NFATC1: variants seen among roughly 807,000 people sequenced by gnomAD.
NFATC1 encodes nuclear factor of activated T cells 1, also known as nuclear factor of activated T-cells, cytoplasmic 1.
Under a neutral mutation model 76.0 loss-of-function variants are expected in NFATC1, and 22 were observed. The observed-to-expected ratio is 0.29, with a 90% CI of 0.21 to 0.41. NFATC1 has a LOEUF of 0.41. Ranked by LOEUF, NFATC1 falls within the 10% of genes least tolerant of loss-of-function variation. NFATC1 has a pLI of 1.00. For missense variants in NFATC1, 1,357 were observed against 1,337.7 expected, an observed-to-expected ratio of 1.01 and a Z score of -0.23; for synonymous variants, 704 against 613.1, an observed-to-expected ratio of 1.15 and a Z score of -2.19.
chr18:79,466,502 C>T (rs1451127229), intron 7 of NFATC1, among the ~76,000 whole-genome samples: 2 of 152,214 alleles, frequency 1.3e-5, no homozygotes, highest in East Asian at 3.9e-4. Context: ...TCCCAGCCCC[C>T]CACCCAGCCC....
intron 9 of NFATC1, among the ~76,000 whole-genome samples, chr18:79,499,090 A>G (rs1014550233): frequency 2.0e-5 from 3 of 152,216 alleles, no homozygotes; most frequent in South Asian, 2.1e-4. Context: ...CAGCACAAAC[A>G]TGTTTTAAAC....
Position 79,449,031 on chromosome 18 carries a change from G to A in NFATC1, c.1589+47G>A, listed in dbSNP as rs775519087. 5.4e-5 allele frequency: 86 copies of A among 1,588,932 alleles called. 1 individual carries two copies. The South Asian group carries it at 9.4e-4, about 17-fold the overall frequency. On this transcript the variant is annotated intron_variant, in intron 4 of 9. Transcript: ENST00000427363. ...GCCTCTGGCAGGGGGCGGTAGGAGG[G>A]GGCGTGCCTCCCTCCCAGTCCCGGG...
rs1156273663 is a variant in NFATC1, at chr18:79,474,999, G to A, written c.2092+7417G>A. On this transcript the variant is annotated intron_variant, in intron 8 of 9. Transcript: ENST00000427363. ...AAACCTGAGGGAAGCGTGTTCTCAC[G>A]CTCGCTGTCGACGTAAACCTGAGGG... is the stretch of plus-strand genomic sequence containing the variant. 9.1e-4 allele frequency among the ~76,000 whole-genome samples: 95 copies of A among 104,366 alleles called. 7 individuals carry two copies. The highest frequency in any genetic ancestry group is 0.016 in the Middle Eastern group (2 of 126). The allele number at this position is 104,366 out of a possible 152,430, so 68.5% of individuals were successfully genotyped here. A position where few individuals can be genotyped will look rare whatever the true frequency, so the allele number is the denominator to read the frequency against.
At chr18:79,424,007 C>T (rs958327066) in intron 2 of NFATC1, among the ~76,000 whole-genome samples, 37 of 152,154 alleles carry the variant, frequency 2.4e-4, no homozygotes, top group African/African-American at 8.4e-4. Context: ...TAAGGTTGCC[C>T]GGGCCGCCGA....
chr18:79,424,191 C>G (rs966929005), intron 2 of NFATC1, among the ~76,000 whole-genome samples: 2 of 152,250 alleles, frequency 1.3e-5, no homozygotes, highest in Admixed American at 1.3e-4. Flanking sequence ...TCGGGGGTGA[C>G]GCACAGATGC....
chr18:79,433,873 G>GTGAGCAGCCGCC, intron 3 of NFATC1, 135 bp downstream of exon 3: 1 of 1,021,160 alleles, frequency 9.8e-7, no homozygotes, highest in Non-Finnish European at 1.4e-6. Flanking sequence ...GTCCCGGGCG[G>GTGAGCAGCCGCC]CTGCTCACCG....
At chr18:79,422,506 A>C (rs2086130339) in intron 2 of NFATC1, 1 of 152,374 alleles carries the variant, frequency 6.6e-6, no homozygotes, top group South Asian at 2.1e-4. Flanking sequence ...TCCGGACCAC[A>C]CTGTTGCTCT....
intron 3 of NFATC1, among the ~76,000 whole-genome samples, chr18:79,443,498 G>C (rs2144730270): frequency 6.6e-6 from 1 of 152,304 alleles, no homozygotes; most frequent in East Asian, 1.9e-4. Flanking sequence ...AAGGGGCCTG[G>C]AGCCGTCCCT....
At chr18:79,449,354 T>C (rs1328284802) in intron 4 of NFATC1, among the ~76,000 whole-genome samples, 1 of 152,240 alleles carries the variant, frequency 6.6e-6, no homozygotes, top group East Asian at 1.9e-4. Flanking sequence ...CGTTGACCTT[T>C]AGGAGGTTCC....
intron 6 of NFATC1, among the ~76,000 whole-genome samples, chr18:79,456,804 G>A (rs1198437559): frequency 6.6e-6 from 1 of 152,214 alleles, no homozygotes; most frequent in Non-Finnish European, 1.5e-5. Flanking sequence ...GGCTGCCTCT[G>A]TGGCATCTCC....
intron 9 of NFATC1, among the ~76,000 whole-genome samples, chr18:79,526,280 C>T (rs979762080): frequency 1.3e-5 from 2 of 152,274 alleles, no homozygotes; most frequent in African/African-American, 4.8e-5. Context: ...GGAGCCCGGG[C>T]TCCTTCTGGT....
intron 2 of NFATC1, among the ~76,000 whole-genome samples, chr18:79,428,522 T>C (rs1267532107): frequency 6.6e-6 from 1 of 152,184 alleles, no homozygotes; most frequent in Admixed American, 6.5e-5. Context: ...GGAGATGTGG[T>C]CTGGGAGTTG....
chr18:79,424,170 C>T (rs1028287106), intron 2 of NFATC1, among the ~76,000 whole-genome samples: 3 of 152,222 alleles, frequency 2.0e-5, no homozygotes, highest in Non-Finnish European at 2.9e-5. Context: ...AGCCAGAGGT[C>T]GGGAATCATG....
intron 9 of NFATC1, among the ~76,000 whole-genome samples, chr18:79,513,875 G>A (rs1193570166): frequency 1.3e-5 from 2 of 152,200 alleles, no homozygotes; most frequent in Non-Finnish European, 2.9e-5. Flanking sequence ...CGTCCAGGAC[G>A]GGCCACTGTG....
At chr18:79,517,768 G>A (rs2090418989) in intron 9 of NFATC1, among the ~76,000 whole-genome samples, 2 of 152,208 alleles carry the variant, frequency 1.3e-5, no homozygotes, top group Non-Finnish European at 2.9e-5. Context: ...ACAATTGGTT[G>A]TTGATTGGAA....
intron 1 of NFATC1, among the ~76,000 whole-genome samples, chr18:79,406,749 C>T (rs532964429): frequency 8.5e-5 from 13 of 152,234 alleles, no homozygotes; most frequent in Admixed American, 2.0e-4. Context: ...CGCAGGCCTG[C>T]GCTCGACAAA....
intron 2 of NFATC1, among the ~76,000 whole-genome samples, chr18:79,431,314 G>T (rs553723352): frequency 6.6e-6 from 1 of 152,320 alleles, no homozygotes; most frequent in Admixed American, 6.5e-5. Flanking sequence ...GCTGCCTCCT[G>T]GGCTTTTTCC....
intron 9 of NFATC1, among the ~76,000 whole-genome samples, chr18:79,515,039 C>A (rs774813034): frequency 2.6e-5 from 4 of 151,860 alleles, no homozygotes; most frequent in Non-Finnish European, 5.9e-5. Flanking sequence ...CAGAGCAAGA[C>A]GCTGATTCTA....
At chr18:79,518,977 A>G (rs1600991690) in intron 9 of NFATC1, among the ~76,000 whole-genome samples, 1 of 152,296 alleles carries the variant, frequency 6.6e-6, no homozygotes, top group African/African-American at 2.4e-5. Flanking sequence ...GTCTCAGTCA[A>G]ACCTCTTCCC....
Sources: allele counts gnomAD v4.1 joint callset (sites outside exome capture counted in the v4.1 genomes callset), GRCh38; gene constraint gnomAD v4.1.1; transcripts MANE v1.5; gene names NCBI Gene and HGNC (gene_info 2026-07-23, HGNC 2026-07-21).